DNAH11: variants seen among roughly 807,000 people sequenced by gnomAD.
DNAH11 encodes dynein axonemal heavy chain 11.
A neutral mutation model predicts 526.0 loss-of-function variants in DNAH11; 442 were observed. The ratio of observed to expected loss-of-function variants is 0.84; its 90% CI spans 0.78 to 0.91. The LOEUF is 0.91. DNAH11 is among the 40% of genes least tolerant of loss of function. DNAH11 has a pLI of 0.00. For missense variants in DNAH11, 6,989 were observed against 5,448.7 expected (o/e 1.28, Z -8.90); for synonymous variants, 2,461 against 1,935.9 (o/e 1.27, Z -7.12).
At chr7:21,779,603 T>C (rs1381516404) in intron 57 of DNAH11, among the ~76,000 whole-genome samples, 7 of 152,224 alleles carry the variant, frequency 4.6e-5, no homozygotes, top group African/African-American at 9.6e-5. Flanking sequence ...TTCTGTATTA[T>C]GTTTTATTGT....
At chr7:21,822,330 C>T (rs1018829592) in intron 65 of DNAH11, among the ~76,000 whole-genome samples, 1 of 152,022 alleles carries the variant, frequency 6.6e-6, no homozygotes, top group African/African-American at 2.4e-5. Flanking sequence ...AGAGAATGGG[C>T]AGGAGGAGCC....
intron 14 of DNAH11, among the ~76,000 whole-genome samples, chr7:21,598,803 C>A (rs1435327098): frequency 6.6e-6 from 1 of 152,090 alleles, no homozygotes; most frequent in East Asian, 1.9e-4. Flanking sequence ...GTGTTCTCAT[C>A]ATTTATTTCC....
intron 27 of DNAH11, among the ~76,000 whole-genome samples, 187 bp from the exon 28 acceptor site, chr7:21,638,752 C>T (rs150858369): frequency 6.8e-4 from 101 of 149,030 alleles, no homozygotes; most frequent in African/African-American, 2.3e-3. Flanking sequence ...TAGTACTCTT[C>T]TACTTGGCAT....
At chr7:21,667,399 A>G (rs1291327519) in intron 30 of DNAH11, among the ~76,000 whole-genome samples, 2 of 152,104 alleles carry the variant, frequency 1.3e-5, no homozygotes, top group African/African-American at 2.4e-5. Context: ...TCTCTATTGT[A>G]GTGGTTGCAA....
intron 76 of DNAH11, among the ~76,000 whole-genome samples, chr7:21,885,809 GGTAGATCACCCCT>G (rs1784105849): frequency 6.6e-6 from 1 of 152,188 alleles, no homozygotes; most frequent in Non-Finnish European, 1.5e-5. Flanking sequence ...GTGAGGAAGA[GGTAGATCACCCCT>G]GTAGGTGGAG....
At chr7:21,705,025 T>A (rs914420759) in intron 38 of DNAH11, among the ~76,000 whole-genome samples, 1 of 152,220 alleles carries the variant, frequency 6.6e-6, no homozygotes, top group South Asian at 2.1e-4. Context: ...TAAGTAGATA[T>A]TATCTGACAT....
intron 54 of DNAH11, among the ~76,000 whole-genome samples, chr7:21,750,690 G>A (rs1302982478): frequency 6.6e-6 from 1 of 152,194 alleles, no homozygotes; most frequent in Non-Finnish European, 1.5e-5. Flanking sequence ...CTGTGGGATT[G>A]CAGAGGAGCG....
chr7:21,556,833 G>A (rs1783239741), intron 2 of DNAH11, among the ~76,000 whole-genome samples: 1 of 152,114 alleles, frequency 6.6e-6, no homozygotes, highest in Non-Finnish European at 1.5e-5. Flanking sequence ...AGGCCAATGT[G>A]GGCAGATAAC....
intron 66 of DNAH11, among the ~76,000 whole-genome samples, chr7:21,848,845 G>C (rs919120384): frequency 1.3e-5 from 2 of 151,750 alleles, no homozygotes; most frequent in Non-Finnish European, 2.9e-5. Context: ...GGTTACCTTA[G>C]CATTTGCAAT....
chr7:21,544,011 G>A (rs1782706719), intron 1 of DNAH11, among the ~76,000 whole-genome samples: 1 of 152,098 alleles, frequency 6.6e-6, no homozygotes, highest in Non-Finnish European at 1.5e-5. Context: ...AACTCGTCAC[G>A]TATTTTGATT....
At chr7:21,585,862 C>T (rs1784463894) in intron 9 of DNAH11, among the ~76,000 whole-genome samples, 1 of 152,094 alleles carries the variant, frequency 6.6e-6, no homozygotes, top group South Asian at 2.1e-4. Flanking sequence ...TTGCAGATCT[C>T]AGATGTGATA....
chr7:21,574,164 A>G (rs960431206), intron 8 of DNAH11, among the ~76,000 whole-genome samples: 19 of 152,210 alleles, frequency 1.2e-4, no homozygotes, highest in African/African-American at 4.6e-4. Flanking sequence ...TGCTTTCTTC[A>G]TTATTAATGT....
At chr7:21,818,470 C>T (rs1583732231) in intron 65 of DNAH11, 131 bp downstream of exon 65, 1 of 904,258 alleles carries the variant, frequency 1.1e-6, no homozygotes, top group Non-Finnish European at 1.6e-6. Flanking sequence ...CATGCACCTA[C>T]ACTCCAAGAC....
chr7:21,847,962 G>A (rs1337542551), intron 66 of DNAH11, among the ~76,000 whole-genome samples: 5 of 151,938 alleles, frequency 3.3e-5, no homozygotes, highest in African/African-American at 4.8e-5. Flanking sequence ...TCAGGGGATC[G>A]ATACCATCCT....
chr7:21,898,290 C>T (rs1784601738), intron 79 of DNAH11, among the ~76,000 whole-genome samples: 1 of 152,144 alleles, frequency 6.6e-6, no homozygotes, highest in East Asian at 1.9e-4. Context: ...TCGGATCCAG[C>T]TATCTGGAAG....
chr7:21,561,233 C>T, intron 5 of DNAH11, 63 bp downstream of exon 5: 3 of 1,230,480 alleles, frequency 2.4e-6, no homozygotes, highest in Non-Finnish European at 2.3e-6. Flanking sequence ...CAGCCCCTGC[C>T]TGCTCGGCCT....
intron 55 of DNAH11, among the ~76,000 whole-genome samples, chr7:21,766,945 C>G (rs1248163206): frequency 1.3e-5 from 2 of 152,214 alleles, no homozygotes; most frequent in African/African-American, 4.8e-5. Context: ...CTTCTCTCCT[C>G]TACACTTGCA....
At chr7:21,695,914 T>C (rs1006248702) in intron 35 of DNAH11, among the ~76,000 whole-genome samples, 1 of 152,062 alleles carries the variant, frequency 6.6e-6, no homozygotes, top group African/African-American at 2.4e-5. Context: ...CATCAAAAAG[T>C]GGGCAAAGGA....
Position 21,615,073 on chromosome 7 carries a change from C to A in DNAH11, c.3853-41C>A, listed in dbSNP as rs776107661. ...CTACAGAACTGCATGTCTTCTCTTT[C>A]TCTGGCAGTTTGTATGCAGGTGTTT... is the stretch of plus-strand genomic sequence containing the variant. On this transcript the variant is annotated intron_variant, in intron 20 of 81. Coordinates refer to ENST00000409508, the MANE Select transcript of DNAH11 (RefSeq NM_001277115.2). 128 of 1,557,262 alleles carry A rather than the reference C, an allele frequency of 8.2e-5. 1 individual carries two copies. In the Middle Eastern group the frequency reaches 1.2e-3, roughly 14 times the overall value.
Sources: allele counts gnomAD v4.1 joint callset (sites outside exome capture counted in the v4.1 genomes callset), GRCh38; gene constraint gnomAD v4.1.1; transcripts MANE v1.5; gene names NCBI Gene and HGNC (gene_info 2026-07-23, HGNC 2026-07-21).